Variants in MAGI2 observed in about 807,000 individuals in gnomAD.
MAGI2 encodes membrane-associated guanylate kinase, WW and PDZ domain-containing protein 2.
A neutral mutation model predicts 133.3 loss-of-function variants in MAGI2; 35 were observed. The ratio of observed to expected loss-of-function variants is 0.26; its 90% CI spans 0.20 to 0.35. The LOEUF (loss-of-function observed/expected upper bound fraction) is 0.35. Among genes scored for constraint, MAGI2 ranks in the 10% least tolerant of loss-of-function variants. The pLI is 1.00. For synonymous variants in MAGI2, 729 were observed against 710.6 expected, an observed-to-expected ratio of 1.03 and a Z score of -0.41; for missense variants, 1,636 against 1,863.4, an observed-to-expected ratio of 0.88 and a Z score of 2.25.
At chr7:78,027,473 C>G (rs1809047097) in intron 21 of MAGI2, among the ~76,000 whole-genome samples, 1 of 151,854 alleles carries the variant, frequency 6.6e-6, no homozygotes, top group African/African-American at 2.4e-5. Context: ...ACTAAAAATA[C>G]AAAAATTAGC....
chr7:79,197,661 A>G (rs1382665174), intron 1 of MAGI2, among the ~76,000 whole-genome samples: 1 of 151,950 alleles, frequency 6.6e-6, no homozygotes. Context: ...AATACCTTAA[A>G]TTGGGTAATT....
In MAGI2 at chr7:78,280,686, G is replaced by C. The variant is rs141731674; in HGVS notation, c.1409-24105C>G. Among the ~76,000 whole-genome samples, 353 of 152,084 alleles carry C rather than the reference G, an allele frequency of 2.3e-3. 1 individual carries two copies. The highest frequency in any genetic ancestry group is 8.2e-3 in the African/African-American group (340 of 41,508). ...CCAAGGAACTCAGGAGTAAGTGGTGGAGCCAGGTGGGTGGAACCATAAAGC... is the reference window on the plus strand; with the variant it reads ...CCAAGGAACTCAGGAGTAAGTGGTGCAGCCAGGTGGGTGGAACCATAAAGC... On this transcript the variant is annotated intron_variant, in intron 9 of 21. Transcript: ENST00000354212.
chr7:79,356,309 C>T (rs1842014437), intron 1 of MAGI2, among the ~76,000 whole-genome samples: 1 of 149,810 alleles, frequency 6.7e-6, no homozygotes, highest in African/African-American at 2.5e-5. Context: ...AAATAACATG[C>T]TATGTTACGA....
intron 2 of MAGI2, among the ~76,000 whole-genome samples, chr7:78,659,349 C>T (rs187268958): frequency 2.0e-3 from 269 of 135,626 alleles, no homozygotes; most frequent in African/African-American, 6.8e-3. Flanking sequence ...TTCTTGAACC[C>T]GGGAGGTGAA....
chr7:78,146,770 C>A (rs570565901), intron 16 of MAGI2, among the ~76,000 whole-genome samples: 51 of 152,272 alleles, frequency 3.3e-4, no homozygotes, highest in Non-Finnish European at 6.0e-4. Context: ...GTGTTGCTGA[C>A]AACTCATGTT....
intron 21 of MAGI2, among the ~76,000 whole-genome samples, chr7:78,040,831 A>T (rs1046456727): frequency 6.6e-6 from 1 of 152,168 alleles, no homozygotes; most frequent in East Asian, 1.9e-4. Context: ...AATGACAACC[A>T]TTAAGGGGCT....
At chr7:78,385,373 A>G (rs1795286090) in intron 6 of MAGI2, among the ~76,000 whole-genome samples, 1 of 152,122 alleles carries the variant, frequency 6.6e-6, no homozygotes, top group Non-Finnish European at 1.5e-5. Context: ...GATAATATAT[A>G]ATTTTCAGCA....
At chr7:78,973,955 A>G (rs1804012645) in intron 2 of MAGI2, among the ~76,000 whole-genome samples, 1 of 151,850 alleles carries the variant, frequency 6.6e-6, no homozygotes, top group Non-Finnish European at 1.5e-5. Flanking sequence ...TCACACTACC[A>G]AAGTAGTTAG....
chr7:79,446,117 G>A (rs1286224289), intron 1 of MAGI2, among the ~76,000 whole-genome samples: 4 of 152,142 alleles, frequency 2.6e-5, no homozygotes, highest in Admixed American at 2.6e-4. Flanking sequence ...CCTGAACAAT[G>A]AGAACACATG....
At chr7:78,705,086 G>T (rs1818498563) in intron 2 of MAGI2, among the ~76,000 whole-genome samples, 1 of 151,924 alleles carries the variant, frequency 6.6e-6, no homozygotes, top group African/African-American at 2.4e-5. Context: ...CTTTTTGGGG[G>T]AAGAACTGGT....
intron 7 of MAGI2, among the ~76,000 whole-genome samples, chr7:78,367,784 GCATT>G (rs1300120605): frequency 6.6e-6 from 1 of 152,112 alleles, no homozygotes; most frequent in Non-Finnish European, 1.5e-5. Context: ...AGACAAGCTA[GCATT>G]TATTTGAAAT....
intron 1 of MAGI2, among the ~76,000 whole-genome samples, chr7:79,229,953 C>T (rs1200652772): frequency 9.0e-6 from 1 of 110,892 alleles, no homozygotes; most frequent in African/African-American, 3.5e-5. Context: ...CCTCCCCCCA[C>T]CCTCACAGTC....
In MAGI2 at chr7:78,549,999, G is replaced by A. The variant is rs79336937; in HGVS notation, c.539-28354C>T. 5.9e-3 allele frequency among the ~76,000 whole-genome samples: 892 copies of A among 152,220 alleles called. 3 individuals are homozygous for A. The highest frequency in any genetic ancestry group is 0.016 in the African/African-American group (659 of 41,550). ...ATTGGGTTTTCAGGGTGAAGCCCAC[G>A]TAAGTAAGATTAGTGCCTTTACAAA... On this transcript the variant is annotated intron_variant, in intron 3 of 21. Transcript: ENST00000354212.
intron 9 of MAGI2, among the ~76,000 whole-genome samples, chr7:78,313,395 C>A (rs1034366535): frequency 6.6e-6 from 1 of 151,810 alleles, no homozygotes; most frequent in Admixed American, 6.6e-5. Context: ...ATTAACTGTA[C>A]TGGAAAGTGA....
chr7:78,537,554 A>G (rs754949829), intron 3 of MAGI2, among the ~76,000 whole-genome samples: 6 of 152,154 alleles, frequency 3.9e-5, no homozygotes, highest in Non-Finnish European at 7.4e-5. Flanking sequence ...CAGGAATAAG[A>G]TGGTATCACA....
chr7:79,132,859 GGTAT>G (rs1443540216), intron 1 of MAGI2, among the ~76,000 whole-genome samples: 1 of 152,056 alleles, frequency 6.6e-6, no homozygotes. Flanking sequence ...GGAGTACGGT[GGTAT>G]CTCATTCTGG....
intron 9 of MAGI2, among the ~76,000 whole-genome samples, chr7:78,299,374 A>G (rs1348073713): frequency 6.6e-6 from 1 of 152,222 alleles, no homozygotes; most frequent in African/African-American, 2.4e-5. Flanking sequence ...AATGAGATAG[A>G]AAATACCACA....
chr7:78,882,826 C>T (rs534788408), intron 2 of MAGI2, among the ~76,000 whole-genome samples: 1 of 152,040 alleles, frequency 6.6e-6, no homozygotes, highest in African/African-American at 2.4e-5. Context: ...GATAGACACC[C>T]TCAATAAACT....
chr7:79,236,502 C>A (rs1831934367), intron 1 of MAGI2, among the ~76,000 whole-genome samples: 1 of 152,198 alleles, frequency 6.6e-6, no homozygotes, highest in Non-Finnish European at 1.5e-5. Context: ...TGGACATAAG[C>A]AGCACAAAGC....
Sources: gnomAD v4.1 joint callset for allele counts (sites outside exome capture counted in the v4.1 genomes callset) on GRCh38, gnomAD v4.1.1 for gene constraint, MANE v1.5 for transcripts, NCBI Gene and HGNC (gene_info 2026-07-23, HGNC 2026-07-21) for gene names.